Variants in SMAP1 observed in about 807,000 individuals in gnomAD.
The protein encoded by SMAP1 is small ArfGAP 1.
Under a neutral mutation model 58.5 loss-of-function variants are expected in SMAP1, and 24 were observed. That is an observed-to-expected ratio of 0.41 (90% CI 0.30 to 0.58). The LOEUF is 0.58. Among genes scored for constraint, SMAP1 ranks in the 20% least tolerant of loss-of-function variants. The probability of loss-of-function intolerance (pLI) is 0.29; values close to 1 mark genes in which losing one functional copy is unlikely to be tolerated. For missense variants in SMAP1, 563 were observed against 566.3 expected, an observed-to-expected ratio of 0.99 and a Z score of 0.06; for synonymous variants, 216 against 196.6, an observed-to-expected ratio of 1.10 and a Z score of -0.82.
intron 1 of SMAP1, among the ~76,000 whole-genome samples, chr6:70,723,187 G>A (rs1057423398): frequency 3.9e-5 from 6 of 152,116 alleles, no homozygotes; most frequent in Non-Finnish European, 7.4e-5. Context: ...AGGCTGGAGT[G>A]CAGTGGCTCC....
rs1310061118 is a variant in SMAP1, at chr6:70,741,422, C to T, written c.252+8911C>T. ...AGCAGGTCAGTCAAATCTTAAAGCT[C>T]GAAAATTATCTCCTTTGACTCTGTG... On this transcript the variant is annotated intron_variant, in intron 2 of 10. Coordinates refer to ENST00000370455, the MANE Select transcript of SMAP1 (RefSeq NM_001044305.3). Among the ~76,000 whole-genome samples, 5 of 152,186 alleles carry T rather than the reference C, an allele frequency of 3.3e-5. No individual in the cohort carries two copies. The South Asian group carries it at 6.2e-4, about 19-fold the overall frequency.
Position 70,860,551 on chromosome 6 carries a change from T to C in SMAP1, c.*217T>C, listed in dbSNP as rs1771673807. On this transcript the variant is annotated 3_prime_UTR_variant, in exon 11 of 11. Coordinates refer to ENST00000370455, the MANE Select transcript of SMAP1 (RefSeq NM_001044305.3). ...TTTATGTCAAGGGCAGCTTTGCTCA[T>C]ATTTCCCATGATTTCATGTACTGCA... is the stretch of plus-strand genomic sequence containing the variant. 2.1e-6 allele frequency: 1 copy of C among 481,364 alleles called. No individual in the cohort carries two copies. The highest frequency in any genetic ancestry group is 3.5e-6 in the Non-Finnish European group (1 of 286,292). The allele number at this position is 481,364 out of a possible 1,614,324, so 29.8% of individuals were successfully genotyped here. A position where few individuals can be genotyped will look rare whatever the true frequency, so the allele number is the denominator to read the frequency against.
chr6:70,745,747 C>G (rs540724136), intron 2 of SMAP1, among the ~76,000 whole-genome samples: 28 of 152,308 alleles, frequency 1.8e-4, no homozygotes, highest in Admixed American at 1.0e-3. Context: ...GGCACTGAAT[C>G]TATAAATTAC....
At chr6:70,713,607 A>G (rs1041365939) in intron 1 of SMAP1, among the ~76,000 whole-genome samples, 1 of 152,212 alleles carries the variant, frequency 6.6e-6, no homozygotes, top group South Asian at 2.1e-4. Context: ...TGGACAAGGT[A>G]TTTGATGATA....
intron 1 of SMAP1, among the ~76,000 whole-genome samples, chr6:70,701,622 G>A (rs1049388277): frequency 6.6e-6 from 1 of 152,098 alleles, no homozygotes; most frequent in African/African-American, 2.4e-5. Context: ...GCCCTGTGTC[G>A]CTTCCCACCA....
chr6:70,732,271 A>G, intron 1 of SMAP1, 107 bp from the exon 2 acceptor site: 1 of 1,232,190 alleles, frequency 8.1e-7, no homozygotes, highest in Non-Finnish European at 1.1e-6. Context: ...TGACTTCTGT[A>G]AGCTTCCATT....
intron 5 of SMAP1, among the ~76,000 whole-genome samples, chr6:70,793,672 GAA>G (rs1491362420): frequency 6.8e-6 from 1 of 146,982 alleles, no homozygotes; most frequent in South Asian, 2.2e-4. Context: ...GAGAGAGAGA[GAA>G]AGCTTAAAAA....
intron 5 of SMAP1, among the ~76,000 whole-genome samples, chr6:70,792,493 C>G (rs888036124): frequency 1.3e-5 from 2 of 151,712 alleles, no homozygotes; most frequent in Non-Finnish European, 2.9e-5. Context: ...CAGTCTAAGG[C>G]AAGAAAACAG....
chr6:70,725,230 C>G (rs982422620), intron 1 of SMAP1, among the ~76,000 whole-genome samples: 1 of 149,360 alleles, frequency 6.7e-6, no homozygotes, highest in Admixed American at 6.8e-5. Context: ...TATTCTCCTG[C>G]CTCAGTCTCC....
At chr6:70,769,253 G>A (rs1767154735) in intron 3 of SMAP1, among the ~76,000 whole-genome samples, 1 of 152,190 alleles carries the variant, frequency 6.6e-6, no homozygotes. Flanking sequence ...GAGTTCTGTA[G>A]ATGTCTATTA....
At chr6:70,740,402 T>C (rs1048337570) in intron 2 of SMAP1, among the ~76,000 whole-genome samples, 56 of 147,860 alleles carry the variant, frequency 3.8e-4, no homozygotes, top group Admixed American at 1.4e-4. Flanking sequence ...CTACTGAAAA[T>C]AGAAAAATTA....
At chr6:70,755,940 G>T (rs977237388) in intron 3 of SMAP1, among the ~76,000 whole-genome samples, 25 of 151,962 alleles carry the variant, frequency 1.6e-4, no homozygotes, top group Admixed American at 1.1e-3. Flanking sequence ...TCTGTTGTAG[G>T]TTGCACAACT....
At chr6:70,789,573 T>A (rs1457544835) in intron 4 of SMAP1, among the ~76,000 whole-genome samples, 1 of 150,478 alleles carries the variant, frequency 6.6e-6, no homozygotes, top group Non-Finnish European at 1.5e-5. Flanking sequence ...TGGTATTAAA[T>A]CATTTATTTT....
chr6:70,852,815 A>C, intron 8 of SMAP1, 151 bp downstream of exon 8: 1 of 945,388 alleles, frequency 1.1e-6, no homozygotes. Context: ...CTAAGCCAGC[A>C]GCTTGTTTTT....
chr6:70,759,085 G>A (rs544704408), intron 3 of SMAP1, among the ~76,000 whole-genome samples: 9 of 152,188 alleles, frequency 5.9e-5, no homozygotes, highest in African/African-American at 2.2e-4. Context: ...ACCTAGGGCA[G>A]CAGTTCTTTA....
At chr6:70,820,785 C>G (rs909028339) in intron 6 of SMAP1, among the ~76,000 whole-genome samples, 1 of 151,782 alleles carries the variant, frequency 6.6e-6, no homozygotes, top group Non-Finnish European at 1.5e-5. Flanking sequence ...GACAGTCTAG[C>G]AGATTTTTTT....
intron 4 of SMAP1, among the ~76,000 whole-genome samples, chr6:70,774,598 G>A (rs1767469163): frequency 6.6e-6 from 1 of 152,188 alleles, no homozygotes; most frequent in South Asian, 2.1e-4. Context: ...TTAAGTATCA[G>A]CTCAATATGG....
intron 4 of SMAP1, among the ~76,000 whole-genome samples, chr6:70,788,527 A>G (rs1204114426): frequency 6.6e-6 from 1 of 152,202 alleles, no homozygotes; most frequent in African/African-American, 2.4e-5. Context: ...TCCAGACTCT[A>G]TAGAGAGATC....
At chr6:70,855,111 C>CATAT (rs1562204943) in intron 8 of SMAP1, among the ~76,000 whole-genome samples, 4 of 151,246 alleles carry the variant, frequency 2.6e-5, no homozygotes, top group Non-Finnish European at 5.9e-5. Flanking sequence ...TATACATATA[C>CATAT]CAACAGTACC....
Sources: gnomAD v4.1 joint callset for allele counts (sites outside exome capture counted in the v4.1 genomes callset) on GRCh38, gnomAD v4.1.1 for gene constraint, MANE v1.5 for transcripts, NCBI Gene and HGNC (gene_info 2026-07-23, HGNC 2026-07-21) for gene names.